COP1: variants seen among roughly 807,000 people sequenced by gnomAD.
COP1 encodes E3 ubiquitin-protein ligase COP1.
Under a neutral mutation model 101.3 loss-of-function variants are expected in COP1, and 24 were observed. The ratio of observed to expected loss-of-function variants is 0.24; its 90% confidence interval spans 0.17 to 0.33. The LOEUF is 0.33. Ranked by LOEUF, COP1 falls within the 10% of genes least tolerant of loss-of-function variation. COP1 has a pLI of 1.00. For missense variants in COP1, 663 were observed against 906.2 expected (o/e 0.73, Z 3.45); for synonymous variants, 347 against 341.9 (o/e 1.01, Z -0.17).
At chr1:176,129,386 A>T (rs980234579) in intron 8 of COP1, among the ~76,000 whole-genome samples, 1 of 151,884 alleles carries the variant, frequency 6.6e-6, no homozygotes. Context: ...TCCTTCCTCT[A>T]GCACAGAAAA....
chr1:176,028,594 G>C (rs1395672928), intron 14 of COP1, among the ~76,000 whole-genome samples: 3 of 146,276 alleles, frequency 2.1e-5, no homozygotes, highest in Non-Finnish European at 4.5e-5. Flanking sequence ...AATCAATATA[G>C]ATAAACGATA....
At chr1:176,014,816 A>C (rs1434738874) in intron 15 of COP1, among the ~76,000 whole-genome samples, 1 of 152,206 alleles carries the variant, frequency 6.6e-6, no homozygotes, top group African/African-American at 2.4e-5. Context: ...GTCTGTTAGT[A>C]CTAATATTTT....
intron 18 of COP1, among the ~76,000 whole-genome samples, chr1:175,981,954 T>G (rs1016114454): frequency 2.0e-5 from 3 of 152,128 alleles, no homozygotes; most frequent in African/African-American, 7.2e-5. Context: ...TCACAACTGC[T>G]AGAATTTCTA....
At chr1:176,142,776 C>T (rs1479501817) in intron 6 of COP1, among the ~76,000 whole-genome samples, 1 of 150,888 alleles carries the variant, frequency 6.6e-6, no homozygotes, top group African/African-American at 2.4e-5. Flanking sequence ...AAATAAGCCA[C>T]AGGCCTAAGA....
chr1:175,993,348 C>T (rs1253457172), intron 15 of COP1, among the ~76,000 whole-genome samples: 1 of 152,168 alleles, frequency 6.6e-6, no homozygotes, highest in Non-Finnish European at 1.5e-5. Flanking sequence ...TCTCCTCCTC[C>T]AAAGGAACGC....
At chr1:175,984,433 T>C (rs1446223309) in intron 18 of COP1, among the ~76,000 whole-genome samples, 1 of 152,168 alleles carries the variant, frequency 6.6e-6, no homozygotes, top group East Asian at 1.9e-4. Flanking sequence ...TTTCAGAGGA[T>C]GTATGGAAAC....
chr1:176,096,297 A>G (rs1682354918), intron 9 of COP1, among the ~76,000 whole-genome samples: 1 of 151,970 alleles, frequency 6.6e-6, no homozygotes, highest in South Asian at 2.1e-4. Context: ...AACAGCACCT[A>G]TCTTTTCTTT....
intron 15 of COP1, among the ~76,000 whole-genome samples, chr1:176,013,175 T>C (rs1354649476): frequency 6.6e-6 from 1 of 152,188 alleles, no homozygotes; most frequent in Non-Finnish European, 1.5e-5. Flanking sequence ...TTATTTTTTA[T>C]TGTCATATTA....
At chr1:176,023,909 A>C (rs1667224414) in intron 15 of COP1, among the ~76,000 whole-genome samples, 2 of 152,072 alleles carry the variant, frequency 1.3e-5, no homozygotes, top group Admixed American at 6.6e-5. Flanking sequence ...ACACTTTCCA[A>C]CTCACTCTTT....
At chr1:176,090,110 A>C (rs1680995458) in intron 9 of COP1, among the ~76,000 whole-genome samples, 1 of 152,142 alleles carries the variant, frequency 6.6e-6, no homozygotes, top group African/African-American at 2.4e-5. Context: ...CCTTCCTATT[A>C]ATCTCAGGTC....
chr1:176,173,417 C>T lies in COP1; in HGVS notation c.565+2493G>A, dbSNP rs138043577. Among the ~76,000 whole-genome samples, 388 of 150,076 alleles carry T rather than the reference C, an allele frequency of 2.6e-3. 3 individuals carry two copies. Among genetic ancestry groups the T allele is most frequent in the African/African-American group, 9.0e-3 (370 of 40,994 alleles). On this transcript the variant is annotated intron_variant, in intron 3 of 19. Transcript: ENST00000367669. ...TTAAGAAGCTGAGGCAGGAGGATCACTGGAGCCCAGGAGTTTGAGACCGGC... is the reference window on the plus strand; with the variant it reads ...TTAAGAAGCTGAGGCAGGAGGATCATTGGAGCCCAGGAGTTTGAGACCGGC...
chr1:176,001,288 G>A (rs188429297), intron 15 of COP1, among the ~76,000 whole-genome samples: 112 of 152,240 alleles, frequency 7.4e-4, no homozygotes, highest in Middle Eastern at 3.4e-3. Context: ...TTCATCGAAT[G>A]AACCTCTAGG....
intron 9 of COP1, among the ~76,000 whole-genome samples, chr1:176,088,751 T>C (rs2149440247): frequency 6.6e-6 from 1 of 152,134 alleles, no homozygotes; most frequent in South Asian, 2.1e-4. Flanking sequence ...ATCCCAGCAT[T>C]TTGGGAGGCC....
At chr1:176,081,415 G>A (rs1365210857) in intron 10 of COP1, 128 bp from the exon 11 acceptor site, 2 of 679,484 alleles carry the variant, frequency 2.9e-6, no homozygotes, top group African/African-American at 3.7e-5. Context: ...TTTTACTAAA[G>A]ACTAGTTTAC....
chr1:176,140,392 G>A (rs1410667214), intron 6 of COP1, among the ~76,000 whole-genome samples: 2 of 152,118 alleles, frequency 1.3e-5, no homozygotes, highest in Non-Finnish European at 2.9e-5. Flanking sequence ...GTCTGACAAG[G>A]TATCAGGCAA....
rs1184430037 is a variant in COP1 at position 176,207,189 on chromosome 1, T to C, written c.-211A>G. 1 of 413,254 alleles carries C rather than the reference T, an allele frequency of 2.4e-6. No homozygotes were observed. The highest frequency in any genetic ancestry group is 4.2e-6 in the Non-Finnish European group (1 of 237,964). The allele number at this position is 413,254 out of a possible 1,614,324, so 25.6% of individuals were successfully genotyped here. On this transcript the variant is annotated 5_prime_UTR_variant, in exon 1 of 20. Transcript: ENST00000367669. ...GGCGGAGGAAACTAAAAAAGCGGAG[T>C]AGAAGGCACTACCGCTGTCGAGGCC...
At position 176,162,838 on chromosome 1, in the gene COP1, A is replaced by T. The variant is rs552114725; in HGVS notation, c.762+31T>A. The T allele has an allele frequency of 1.9e-6, 3 of 1,557,968 alleles. No individual in the cohort carries two copies. In the Admixed American group the frequency reaches 5.9e-5, roughly 31 times the overall value. On this transcript the variant is annotated intron_variant, in intron 5 of 19. Coordinates refer to ENST00000367669, the MANE Select transcript of COP1 (RefSeq NM_022457.7). Reference sequence around the variant, plus strand: ...TTTATTGCAATAAAGTTCATCATTTAAAATTTTTTTTAAGTTTAGCTACCA... The same window carrying T: ...TTTATTGCAATAAAGTTCATCATTTTAAATTTTTTTTAAGTTTAGCTACCA...
chr1:176,078,358 C>G (rs960461052), intron 11 of COP1, among the ~76,000 whole-genome samples: 38 of 152,238 alleles, frequency 2.5e-4, no homozygotes, highest in African/African-American at 8.7e-4. Flanking sequence ...CCTACACCAT[C>G]TGATCTTTGA....
Position 175,978,794 on chromosome 1 carries a change from C to A in COP1, c.2133+8149G>T, listed in dbSNP as rs144071235. Among the ~76,000 whole-genome samples the A allele has an allele frequency of 2.6e-3, 400 of 152,164 alleles. 3 individuals carry two copies. The highest frequency in any genetic ancestry group is 9.2e-3 in the African/African-American group (382 of 41,526). On this transcript the variant is annotated intron_variant, in intron 18 of 19. Transcript: ENST00000367669. ...GAAGAGAAACAGAGTTGAAGGAAGA[C>A]AGAAAGAAAGAGAAGAAGCTTCTAT...
Sources: allele counts gnomAD v4.1 joint callset (sites outside exome capture counted in the v4.1 genomes callset), GRCh38; gene constraint gnomAD v4.1.1; transcripts MANE v1.5; gene names NCBI Gene and HGNC (gene_info 2026-07-23, HGNC 2026-07-21).